ASPRV1: variants seen among roughly 807,000 people sequenced by gnomAD.
The protein encoded by ASPRV1 is aspartic peptidase retroviral like 1, also known as retroviral-like aspartic protease 1.
ASPRV1 carries 7 observed loss-of-function variants against 11.0 expected under a neutral mutation model. The ratio of observed to expected loss-of-function variants is 0.64; its 90% CI spans 0.36 to 1.20. The LOEUF is 1.20. Among genes scored for constraint, ASPRV1 ranks in the 50% most tolerant of loss-of-function variants. The probability of loss-of-function intolerance (pLI) is 0.02; values close to 1 mark genes in which losing one functional copy is unlikely to be tolerated. For missense variants in ASPRV1, 299 were observed against 320.0 expected (o/e 0.93, Z 0.50); for synonymous variants, 136 against 138.4 (o/e 0.98, Z 0.12).
the ASPRV1 span, chr2:69,941,043 G>A: frequency 1.3e-5 from 2 of 152,326 alleles, no homozygotes; most frequent in Admixed American, 1.3e-4. Flanking sequence ...GAGGGGATGG[G>A]CAGAGATATA....
chr2:70,082,739 TA>T, the ASPRV1 span, among the ~76,000 whole-genome samples: 2 of 151,774 alleles, frequency 1.3e-5, no homozygotes, highest in African/African-American at 4.8e-5. Context: ...TAATTTAACT[TA>T]AAAATCAGCC....
the ASPRV1 span, chr2:69,940,644 T>C: frequency 6.6e-6 from 1 of 152,668 alleles, no homozygotes; most frequent in South Asian, 2.1e-4. Context: ...TTATTTGACC[T>C]TTGCACTGTT....
the ASPRV1 span, chr2:70,016,055 G>C: frequency 1.3e-5 from 2 of 152,126 alleles, no homozygotes; most frequent in Non-Finnish European, 2.9e-5. Context: ...CTACACTTTA[G>C]ACCAAAGGAA....
At chr2:69,970,219 C>A in the ASPRV1 span, among the ~76,000 whole-genome samples, 3 of 152,068 alleles carry the variant, frequency 2.0e-5, no homozygotes, top group Non-Finnish European at 4.4e-5. Flanking sequence ...GGCCTCAGGG[C>A]ACCCTGCTGA....
chr2:69,978,778 A>C, the ASPRV1 span, among the ~76,000 whole-genome samples: 2 of 152,174 alleles, frequency 1.3e-5, no homozygotes, highest in African/African-American at 4.8e-5. Context: ...GGGCTGCCTC[A>C]GAGGTCATGG....
chr2:69,977,210 A>G, the ASPRV1 span, among the ~76,000 whole-genome samples: 9 of 152,258 alleles, frequency 5.9e-5, no homozygotes, highest in East Asian at 1.7e-3. Context: ...AAAATTGGGC[A>G]AAAATGTAGA....
the ASPRV1 span, among the ~76,000 whole-genome samples, chr2:70,024,914 C>T: frequency 5.9e-5 from 9 of 152,140 alleles, no homozygotes; most frequent in Non-Finnish European, 1.3e-4. Flanking sequence ...GAAGGGTATG[C>T]AGTAAAGGGT....
chr2:70,034,701 T>A, the ASPRV1 span, among the ~76,000 whole-genome samples: 1 of 152,128 alleles, frequency 6.6e-6, no homozygotes, highest in Admixed American at 6.5e-5. Context: ...AACTGTTAGA[T>A]CATCTGTATG....
the ASPRV1 span, among the ~76,000 whole-genome samples, chr2:70,068,706 G>T: frequency 6.6e-6 from 1 of 151,880 alleles, no homozygotes; most frequent in Non-Finnish European, 1.5e-5. Flanking sequence ...AAGGCGGGCG[G>T]ATCACCTGAC....
At chr2:70,006,094 T>TGTGCAC in the ASPRV1 span, among the ~76,000 whole-genome samples, 1 of 152,254 alleles carries the variant, frequency 6.6e-6, no homozygotes, top group South Asian at 2.1e-4. Flanking sequence ...CAGTAGAATA[T>TGTGCAC]GTGCACATGC....
At chr2:70,073,465 A>G in the ASPRV1 span, among the ~76,000 whole-genome samples, 1 of 152,174 alleles carries the variant, frequency 6.6e-6, no homozygotes, top group Non-Finnish European at 1.5e-5. Flanking sequence ...TCTGTTTAGA[A>G]TAAGAGTACC....
At chr2:70,070,150 G>A in the ASPRV1 span, 1 of 114,130 alleles carries the variant, frequency 8.8e-6, no homozygotes, top group Non-Finnish European at 1.6e-5. Flanking sequence ...TTGCACTCCA[G>A]ACTGGGTAAC....
the ASPRV1 span, among the ~76,000 whole-genome samples, chr2:69,935,969 G>T: frequency 1.3e-5 from 2 of 152,158 alleles, no homozygotes; most frequent in East Asian, 3.9e-4. Flanking sequence ...CCCAGATTCT[G>T]CCTTGCCTGG....
At chr2:70,027,156 G>A in the ASPRV1 span, among the ~76,000 whole-genome samples, 1 of 147,932 alleles carries the variant, frequency 6.8e-6, no homozygotes, top group Non-Finnish European at 1.5e-5. Context: ...TACGCAGGAG[G>A]CTGATGTGGG....
At chr2:70,077,772 T>C in the ASPRV1 span, among the ~76,000 whole-genome samples, 1 of 151,420 alleles carries the variant, frequency 6.6e-6, no homozygotes, top group African/African-American at 2.4e-5. Context: ...GGAGAATCAC[T>C]TGAATACGGG....
At chr2:69,954,583 C>G in the ASPRV1 span, among the ~76,000 whole-genome samples, 3 of 152,328 alleles carry the variant, frequency 2.0e-5, no homozygotes, top group East Asian at 3.9e-4. Context: ...AGGATCCATG[C>G]TGGCCCCCGT....
chr2:70,076,601 G>A, the ASPRV1 span, among the ~76,000 whole-genome samples: 14 of 152,182 alleles, frequency 9.2e-5, no homozygotes, highest in Admixed American at 9.2e-4. Context: ...AATACCGTAA[G>A]TCAAAAACAT....
the ASPRV1 span, among the ~76,000 whole-genome samples, chr2:70,047,839 G>C: frequency 6.6e-6 from 1 of 152,126 alleles, no homozygotes; most frequent in Admixed American, 6.5e-5. Context: ...GGCCAGGCGT[G>C]GTGACTCATG....
chr2:70,022,585 G>A, the ASPRV1 span, among the ~76,000 whole-genome samples: 1 of 152,046 alleles, frequency 6.6e-6, no homozygotes, highest in African/African-American at 2.4e-5. Context: ...AGCTACTTAG[G>A]AAGCTGAAGT....
Sources: gnomAD v4.1 joint callset for allele counts (sites outside exome capture counted in the v4.1 genomes callset) on GRCh38, gnomAD v4.1.1 for gene constraint, MANE v1.5 for transcripts, NCBI Gene and HGNC (gene_info 2026-07-23, HGNC 2026-07-21) for gene names.